Variants in DLG2 observed in about 807,000 individuals in gnomAD.
DLG2 encodes discs large MAGUK scaffold protein 2, also known as disks large homolog 2.
In DLG2, 45 loss-of-function variants were observed where a neutral mutation model predicts 132.5. That is an observed-to-expected ratio of 0.34 (90% CI 0.27 to 0.44). The LOEUF (loss-of-function observed/expected upper bound fraction) is 0.44, where lower values mean the gene tolerates loss of function less well. Ranked by LOEUF, DLG2 falls within the 20% of genes least tolerant of loss-of-function variation. DLG2 has a pLI of 1.00. For missense variants in DLG2, 1,045 were observed against 1,196.9 expected (o/e 0.87, Z 1.87); for synonymous variants, 424 against 419.6 (o/e 1.01, Z -0.13).
intron 9 of DLG2, among the ~76,000 whole-genome samples, chr11:84,103,639 A>C (rs2092698447): frequency 6.6e-6 from 1 of 152,122 alleles, no homozygotes; most frequent in South Asian, 2.1e-4. Context: ...CCACGAGCAC[A>C]AACCCATTTT....
chr11:84,515,850 A>T (rs1053263400), intron 7 of DLG2, among the ~76,000 whole-genome samples: 12 of 151,994 alleles, frequency 7.9e-5, no homozygotes, highest in Non-Finnish European at 1.3e-4. Flanking sequence ...AGAACAAATC[A>T]TAAAAGATTT....
At chr11:84,101,861 A>G (rs2092555407) in intron 9 of DLG2, among the ~76,000 whole-genome samples, 1 of 152,112 alleles carries the variant, frequency 6.6e-6, no homozygotes, top group Admixed American at 6.6e-5. Context: ...TACTGTCAAC[A>G]TGTTTGGAGA....
chr11:84,364,479 T>C (rs1256634517), intron 7 of DLG2, among the ~76,000 whole-genome samples: 2 of 152,146 alleles, frequency 1.3e-5, no homozygotes, highest in African/African-American at 2.4e-5. Flanking sequence ...GACTTCCTCT[T>C]TTCCTAACTG....
intron 6 of DLG2, among the ~76,000 whole-genome samples, chr11:84,648,602 G>A (rs555879129): frequency 5.9e-5 from 9 of 152,146 alleles, no homozygotes; most frequent in South Asian, 2.1e-4. Flanking sequence ...AGGTTGGATC[G>A]CTCATGCACT....
At chr11:84,804,157 G>T (rs928026806) in intron 6 of DLG2, among the ~76,000 whole-genome samples, 1 of 152,162 alleles carries the variant, frequency 6.6e-6, no homozygotes, top group Non-Finnish European at 1.5e-5. Flanking sequence ...AAATTGACTA[G>T]TCTTTGCCAT....
At chr11:84,779,427 A>G (rs2071309810) in intron 6 of DLG2, among the ~76,000 whole-genome samples, 2 of 152,218 alleles carry the variant, frequency 1.3e-5, no homozygotes, top group Admixed American at 1.3e-4. Flanking sequence ...CTACAACTTT[A>G]CTAAATTCAC....
intron 2 of DLG2, among the ~76,000 whole-genome samples, chr11:85,612,536 T>A (rs562735581): frequency 3.9e-5 from 6 of 152,216 alleles, no homozygotes; most frequent in South Asian, 2.1e-4. Context: ...GAAGGAGCCA[T>A]CTATACCAAT....
At chr11:85,397,024 AAG>A (rs2087456410) in intron 3 of DLG2, among the ~76,000 whole-genome samples, 3 of 152,120 alleles carry the variant, frequency 2.0e-5, no homozygotes, top group Admixed American at 2.0e-4. Flanking sequence ...AGGGCATCCA[AAG>A]AGAGAGGTTG....
At chr11:83,994,991 T>C (rs1412276871) in intron 11 of DLG2, among the ~76,000 whole-genome samples, 1 of 151,914 alleles carries the variant, frequency 6.6e-6, no homozygotes, top group Non-Finnish European at 1.5e-5. Context: ...TTTTTTTTTT[T>C]TTTTGTAAAG....
intron 5 of DLG2, among the ~76,000 whole-genome samples, chr11:85,142,642 T>C (rs762723252): frequency 6.6e-6 from 1 of 151,746 alleles, no homozygotes; most frequent in Non-Finnish European, 1.5e-5. Context: ...TCTTGTTATA[T>C]ATCTTAGAGA....
chr11:84,342,886 C>T (rs541809223), intron 7 of DLG2, among the ~76,000 whole-genome samples: 1 of 152,196 alleles, frequency 6.6e-6, no homozygotes, highest in South Asian at 2.1e-4. Flanking sequence ...TCAGGTAATC[C>T]TGTGAATTTG....
At chr11:84,849,899 C>T (rs577582570) in intron 6 of DLG2, among the ~76,000 whole-genome samples, 19 of 151,980 alleles carry the variant, frequency 1.3e-4, no homozygotes, top group Non-Finnish European at 2.8e-4. Context: ...TAACATATTG[C>T]TATTGAGAGA....
chr11:83,487,167 C>G (rs2137815188), intron 21 of DLG2, among the ~76,000 whole-genome samples: 1 of 152,100 alleles, frequency 6.6e-6, no homozygotes, highest in Non-Finnish European at 1.5e-5. Flanking sequence ...AGTATCTTAG[C>G]TCTAGATCCA....
intron 7 of DLG2, among the ~76,000 whole-genome samples, chr11:84,364,042 T>C (rs1289611659): frequency 6.6e-6 from 1 of 152,154 alleles, no homozygotes; most frequent in Non-Finnish European, 1.5e-5. Context: ...TCCAATTCTG[T>C]GAAGAAAGTC....
chr11:85,093,690 T>G (rs1199871328), intron 6 of DLG2, among the ~76,000 whole-genome samples: 2 of 152,188 alleles, frequency 1.3e-5, no homozygotes, highest in African/African-American at 4.8e-5. Context: ...ATGAGGTTTA[T>G]TCACTATCAC....
At chr11:83,537,438 TA>T (rs2095908317) in intron 20 of DLG2, among the ~76,000 whole-genome samples, 1 of 152,056 alleles carries the variant, frequency 6.6e-6, no homozygotes, top group African/African-American at 2.4e-5. Flanking sequence ...AGTAAACTCT[TA>T]TATAATGCCA....
chr11:83,582,844 G>T (rs1253179044), intron 19 of DLG2, among the ~76,000 whole-genome samples: 1 of 152,182 alleles, frequency 6.6e-6, no homozygotes, highest in Admixed American at 6.5e-5. Flanking sequence ...AAAACATCTA[G>T]CTTAGAGATT....
chr11:83,961,152 A>G (rs948403424), intron 14 of DLG2, among the ~76,000 whole-genome samples: 1 of 152,058 alleles, frequency 6.6e-6, no homozygotes, highest in African/African-American at 2.4e-5. Context: ...CTTTGCATTC[A>G]TTAGCTCACT....
chr11:85,257,570 T>C (rs752466694), intron 4 of DLG2, among the ~76,000 whole-genome samples: 1 of 152,006 alleles, frequency 6.6e-6, no homozygotes, highest in Non-Finnish European at 1.5e-5. Context: ...AACAATGCAG[T>C]AAAACTTTTT....
Sources: gnomAD v4.1 joint callset for allele counts (sites outside exome capture counted in the v4.1 genomes callset) on GRCh38, gnomAD v4.1.1 for gene constraint, MANE v1.5 for transcripts, NCBI Gene and HGNC (gene_info 2026-07-23, HGNC 2026-07-21) for gene names.